The following CNNM1 variants were observed in gnomAD, a reference collection of about 807,000 sequenced individuals.
CNNM1 encodes the protein cyclin and CBS domain divalent metal cation transport mediator 1.
A neutral mutation model predicts 78.8 loss-of-function variants in CNNM1; 44 were observed. The observed-to-expected ratio is 0.56, with a 90% CI of 0.44 to 0.72. CNNM1 has a LOEUF of 0.72. CNNM1 is among the 30% of genes least tolerant of loss of function. The pLI, the probability that CNNM1 is intolerant of heterozygous loss-of-function variation, is 0.00. For synonymous variants in CNNM1, 584 were observed against 581.5 expected (o/e 1.00, Z -0.06); for missense variants, 1,101 against 1,292.2 (o/e 0.85, Z 2.27).
intron 7 of CNNM1, among the ~76,000 whole-genome samples, chr10:99,378,766 G>T (rs1279193011): frequency 5.9e-5 from 9 of 152,168 alleles, no homozygotes; most frequent in Non-Finnish European, 1.0e-4. Flanking sequence ...GGAGTATAGG[G>T]TCCCATGGCT....
intron 1 of CNNM1, among the ~76,000 whole-genome samples, chr10:99,340,907 T>TGCCTGCCTGCCTGCCG (rs2030430500): frequency 1.3e-5 from 2 of 151,906 alleles, no homozygotes; most frequent in Admixed American, 6.6e-5. Flanking sequence ...CCTGCCTGCC[T>TGCCTGCCTGCCTGCCG]GCCTGTATTG....
At chr10:99,376,354 G>T (rs959892035) in intron 6 of CNNM1, among the ~76,000 whole-genome samples, 4 of 152,216 alleles carry the variant, frequency 2.6e-5, no homozygotes, top group African/African-American at 7.2e-5. Flanking sequence ...CATTTGTCAA[G>T]GAAGAGGATA....
intron 1 of CNNM1, among the ~76,000 whole-genome samples, chr10:99,349,871 T>C (rs909993773): frequency 8.6e-5 from 13 of 152,014 alleles, no homozygotes; most frequent in Non-Finnish European, 1.8e-4. Flanking sequence ...TGGTGGCGTG[T>C]GCCTGTAGTC....
chr10:99,356,572 GAAAGAA>G (rs1554940050), intron 1 of CNNM1, among the ~76,000 whole-genome samples: 2 of 115,202 alleles, frequency 1.7e-5, no homozygotes, highest in Non-Finnish European at 3.6e-5. Context: ...CAGAAAGAAA[GAAAGAA>G]AGAAAGAAAG....
chr10:99,362,185 C>G, intron 3 of CNNM1, 42 bp from the exon 4 acceptor site: 1 of 1,553,542 alleles, frequency 6.4e-7, no homozygotes, highest in Non-Finnish European at 8.7e-7. Context: ...GGGTGGGACA[C>G]AGCTGATGCT....
intron 6 of CNNM1, among the ~76,000 whole-genome samples, chr10:99,375,637 A>G (rs1361482207): frequency 6.6e-6 from 1 of 152,242 alleles, no homozygotes; most frequent in Non-Finnish European, 1.5e-5. Context: ...GCAGCTAAAT[A>G]GATCATCAAC....
chr10:99,338,374 G>A lies in CNNM1; in HGVS notation c.1573+7414G>A, dbSNP rs183634225. On this transcript the variant is annotated intron_variant, in intron 1 of 10. Coordinates refer to ENST00000356713, the MANE Select transcript of CNNM1 (RefSeq NM_020348.3). ...GCAGTGGTGTGATCTCGCCTCCCAG[G>A]TTCAAGCGATTCTCCTGCCTCAGCC... Among the ~76,000 whole-genome samples, 39 of 150,408 alleles carry A rather than the reference G, an allele frequency of 2.6e-4. 1 individual carries two copies. Among genetic ancestry groups the A allele is most frequent in the African/African-American group, 5.9e-4 (24 of 40,662 alleles).
chr10:99,384,895 C>T (rs1440679993), intron 7 of CNNM1, among the ~76,000 whole-genome samples: 3 of 151,914 alleles, frequency 2.0e-5, no homozygotes, highest in African/African-American at 4.8e-5. Flanking sequence ...GGTGAAACCC[C>T]GTATCTATTA....
chr10:99,361,147 G>T (rs565008786), intron 3 of CNNM1, among the ~76,000 whole-genome samples, 172 bp downstream of exon 3: 1 of 152,292 alleles, frequency 6.6e-6, no homozygotes, highest in Admixed American at 6.5e-5. Context: ...ACCTACTGTC[G>T]TATTGAGCCC....
intron 1 of CNNM1, among the ~76,000 whole-genome samples, chr10:99,336,791 AC>A (rs1353047644): frequency 2.6e-5 from 4 of 152,072 alleles, no homozygotes; most frequent in Non-Finnish European, 5.9e-5. Context: ...ACACAGTGAA[AC>A]CCCGTCTCTA....
At chr10:99,377,533 T>C (rs954720516) in intron 7 of CNNM1, among the ~76,000 whole-genome samples, 1 of 152,194 alleles carries the variant, frequency 6.6e-6, no homozygotes, top group Non-Finnish European at 1.5e-5. Flanking sequence ...TCCCCTACCA[T>C]TGGCATCAGT....
chr10:99,378,788 C>T (rs535118868), intron 7 of CNNM1, among the ~76,000 whole-genome samples: 1 of 152,312 alleles, frequency 6.6e-6, no homozygotes, highest in East Asian at 1.9e-4. Context: ...GTAAATGGCA[C>T]AGCCAAGCTT....
intron 1 of CNNM1, among the ~76,000 whole-genome samples, chr10:99,344,105 G>A (rs1004692305): frequency 1.3e-5 from 2 of 151,058 alleles, no homozygotes; most frequent in African/African-American, 2.4e-5. Flanking sequence ...GGCCAAAGTG[G>A]GCGGATCACC....
chr10:99,391,648 A>C lies in CNNM1; in HGVS notation c.*132A>C. On this transcript the variant is annotated 3_prime_UTR_variant, in exon 11 of 11. Transcript: ENST00000356713. ...GTTCTGCCTTCCCTTCCATCTCTTC[A>C]CCCCTAGCTGTCAGTTTGGCAGATT... 1 of 722,842 alleles carries C rather than the reference A, an allele frequency of 1.4e-6. No homozygotes were observed. The highest frequency in any genetic ancestry group is 2.3e-6 in the Non-Finnish European group (1 of 434,388). The allele number at this position is 722,842 out of a possible 1,614,324, so 44.8% of individuals were successfully genotyped here.
At chr10:99,381,843 G>A (rs966934598) in intron 7 of CNNM1, among the ~76,000 whole-genome samples, 1 of 150,374 alleles carries the variant, frequency 6.7e-6, no homozygotes, top group Admixed American at 6.6e-5. Flanking sequence ...TAACACAAGT[G>A]TCTTTTTTGT....
At chr10:99,389,549 C>T (rs1475635847) in intron 9 of CNNM1, among the ~76,000 whole-genome samples, 1 of 152,054 alleles carries the variant, frequency 6.6e-6, no homozygotes, top group African/African-American at 2.4e-5. Context: ...TCCTTTTCTG[C>T]CCCCAACACC....
intron 1 of CNNM1, among the ~76,000 whole-genome samples, chr10:99,334,670 G>GA (rs1039360670): frequency 6.6e-6 from 1 of 151,928 alleles, no homozygotes; most frequent in Non-Finnish European, 1.5e-5. Context: ...AAATAAATAA[G>GA]AAAAAAATAA....
intron 6 of CNNM1, among the ~76,000 whole-genome samples, chr10:99,365,531 T>C (rs2031586497): frequency 6.6e-6 from 1 of 152,226 alleles, no homozygotes; most frequent in Non-Finnish European, 1.5e-5. Flanking sequence ...ATCTGCCAGC[T>C]GGCTGTGCAT....
At chr10:99,350,871 A>G (rs1350349608) in intron 1 of CNNM1, among the ~76,000 whole-genome samples, 1 of 151,220 alleles carries the variant, frequency 6.6e-6, no homozygotes, top group Non-Finnish European at 1.5e-5. Context: ...TTCTTTGCGG[A>G]GGGGACTGTC....
Sources: allele counts gnomAD v4.1 joint callset (sites outside exome capture counted in the v4.1 genomes callset), GRCh38; gene constraint gnomAD v4.1.1; transcripts MANE v1.5; gene names NCBI Gene and HGNC (gene_info 2026-07-23, HGNC 2026-07-21).